The following CASQ2 variants were observed in gnomAD, a reference collection of about 807,000 sequenced individuals.
The protein encoded by CASQ2 is calsequestrin 2, also known as calsequestrin-2.
In CASQ2, 49 loss-of-function variants were observed where a neutral mutation model predicts 46.5. The observed-to-expected ratio is 1.05, with a 90% CI of 0.84 to 1.34. The LOEUF (loss-of-function observed/expected upper bound fraction) is 1.34. CASQ2 is among the 40% of genes most tolerant of loss of function. CASQ2 has a pLI of 0.00. For synonymous variants in CASQ2, 174 were observed against 168.5 expected, an observed-to-expected ratio of 1.03 and a Z score of -0.25; for missense variants, 486 against 481.3, an observed-to-expected ratio of 1.01 and a Z score of -0.09.
chr1:115,719,132 C>A (rs1382383671), intron 7 of CASQ2, among the ~76,000 whole-genome samples: 2 of 152,130 alleles, frequency 1.3e-5, no homozygotes, highest in African/African-American at 2.4e-5. Context: ...TGGACAAAGC[C>A]TCCACAAATT....
chr1:115,703,068 A>T (rs1654259667), intron 9 of CASQ2, 73 bp from the exon 10 acceptor site: 1 of 1,184,334 alleles, frequency 8.4e-7, no homozygotes, highest in African/African-American at 1.5e-5. Context: ...CCGCCGTCCC[A>T]TCACAGTAAC....
At chr1:115,736,435 A>G (rs1570829063) in intron 4 of CASQ2, among the ~76,000 whole-genome samples, 1 of 151,876 alleles carries the variant, frequency 6.6e-6, no homozygotes, top group South Asian at 2.1e-4. Flanking sequence ...TCAGGAGTTC[A>G]AGACCAGCCT....
intron 8 of CASQ2, among the ~76,000 whole-genome samples, chr1:115,711,932 G>C (rs10923249): frequency 6.6e-6 from 1 of 151,922 alleles, no homozygotes; most frequent in Non-Finnish European, 1.5e-5. Context: ...GATTACAGGC[G>C]TAAGGGTTTT....
At chr1:115,748,059 C>T (rs1648448313) in intron 1 of CASQ2, among the ~76,000 whole-genome samples, 1 of 151,972 alleles carries the variant, frequency 6.6e-6, no homozygotes, top group Non-Finnish European at 1.5e-5. Context: ...ATTCATTTTT[C>T]CTTTCAGTTC....
chr1:115,701,110 G>A lies in CASQ2; in HGVS notation c.*131C>T. 1.4e-6 allele frequency: 2 copies of A among 1,389,880 alleles called. No individual in the cohort carries two copies. The highest frequency in any genetic ancestry group is 2.0e-6 in the Non-Finnish European group (2 of 979,222). 86.1% of individuals were successfully genotyped at this position (1,389,880 alleles called of 1,614,324 possible). On this transcript the variant is annotated 3_prime_UTR_variant, in exon 11 of 11. Transcript: ENST00000261448. ...ATGCTGCTCCTGACGCAAAGGGAGT[G>A]GGAAAAGAGATGATGGAAAAGGGAA...
intron 7 of CASQ2, 33 bp downstream of exon 7, chr1:115,725,475 C>T (rs1370635274): frequency 6.2e-7 from 1 of 1,608,986 alleles, no homozygotes; most frequent in Non-Finnish European, 8.5e-7. Flanking sequence ...ATACTCATCT[C>T]TACAAGGCAA....
chr1:115,707,800 A>T (rs971146601), intron 8 of CASQ2, among the ~76,000 whole-genome samples: 1 of 152,256 alleles, frequency 6.6e-6, no homozygotes, highest in Non-Finnish European at 1.5e-5. Context: ...AGAGAGTCAA[A>T]TGTAAAAGGG....
intron 8 of CASQ2, among the ~76,000 whole-genome samples, chr1:115,711,158 G>C (rs983879617): frequency 2.0e-5 from 3 of 152,182 alleles, no homozygotes; most frequent in Non-Finnish European, 4.4e-5. Context: ...ACAAAGGCAC[G>C]GAAAGGGACC....
At chr1:115,723,274 C>CTATCATCT (rs57499430) in intron 7 of CASQ2, among the ~76,000 whole-genome samples, 3,601 of 150,960 alleles carry the variant, frequency 0.024, 92 homozygotes, top group East Asian at 0.14. Context: ...ATCTATCTAT[C>CTATCATCT]ATCTATCTAT....
intron 1 of CASQ2, among the ~76,000 whole-genome samples, chr1:115,751,932 C>A (rs1235356206): frequency 1.3e-5 from 2 of 152,208 alleles, no homozygotes; most frequent in African/African-American, 4.8e-5. Context: ...CAATTGTCTT[C>A]AGCTCCGCAA....
At chr1:115,768,024 G>T (rs1251437301) in intron 1 of CASQ2, among the ~76,000 whole-genome samples, 1 of 152,052 alleles carries the variant, frequency 6.6e-6, no homozygotes, top group African/African-American at 2.4e-5. Flanking sequence ...ACAATGGCTG[G>T]GACAAGGGCC....
chr1:115,744,856 C>T lies in CASQ2; in HGVS notation c.291G>A (p.Lys97=). Residue 97 remains lysine (K), a synonymous_variant, in exon 2 of 11, where the codon AAG becomes AAA. Transcript: ENST00000261448. The part of the protein sequence containing the change: ...KAIGFVMVDA[K]KEAKLAKKLG... The stretch of plus-strand genomic sequence containing the variant: ...GTTTCTTGGCAAGCTTGGCTTCTTT[C>T]TTGGCATCCACCATCACAAAGCCTA... 1 of 1,613,922 alleles carries T rather than the reference C, an allele frequency of 6.2e-7. No homozygotes were observed. The highest frequency in any genetic ancestry group is 8.5e-7 in the Non-Finnish European group (1 of 1,179,858).
chr1:115,728,561 G>C (rs559938765), intron 5 of CASQ2, among the ~76,000 whole-genome samples: 22 of 152,258 alleles, frequency 1.4e-4, no homozygotes, highest in African/African-American at 5.3e-4. Context: ...CACTTACTAT[G>C]TATTCTAGGA....
At chr1:115,703,550 T>C (rs988152077) in intron 9 of CASQ2, among the ~76,000 whole-genome samples, 1 of 151,870 alleles carries the variant, frequency 6.6e-6, no homozygotes, top group African/African-American at 2.4e-5. Context: ...TATGGCCTAG[T>C]GGGGACTAGG....
intron 8 of CASQ2, among the ~76,000 whole-genome samples, chr1:115,711,932 G>T (rs10923249): frequency 0.58 from 88,471 of 151,966 alleles, 26,196 homozygotes; most frequent in African/African-American, 0.67. Context: ...GATTACAGGC[G>T]TAAGGGTTTT....
intron 1 of CASQ2, among the ~76,000 whole-genome samples, chr1:115,745,175 T>C (rs777169708): frequency 6.6e-6 from 1 of 152,116 alleles, no homozygotes; most frequent in African/African-American, 2.4e-5. Context: ...CACTGTCACA[T>C]ACCAGTTTCT....
chr1:115,701,283 A>C lies in CASQ2; in HGVS notation c.1158T>G (p.Asp386Glu). 6.3e-7 allele frequency: 1 copy of C among 1,598,946 alleles called. No homozygotes were observed. The highest frequency in any genetic ancestry group is 8.6e-7 in the Non-Finnish European group (1 of 1,166,296). Reference sequence around the variant, plus strand: ...CATCACTGTCATCATTATCCTCTTCATCAGAATTATCATCATCATCATCAT... The same window carrying C: ...CATCACTGTCATCATTATCCTCTTCCTCAGAATTATCATCATCATCATCAT... ...DEDDDDDDNS[D>E]EEDNDDSDDD... Residue 386 changes from aspartate to glutamate, a missense_variant, in exon 11 of 11, where the codon GAT (aspartate) becomes GAG (glutamate). Coordinates refer to ENST00000261448, the MANE Select transcript of CASQ2 (RefSeq NM_001232.4).
chr1:115,710,820 A>G (rs1041498327), intron 8 of CASQ2, among the ~76,000 whole-genome samples: 4 of 152,234 alleles, frequency 2.6e-5, no homozygotes, highest in African/African-American at 7.2e-5. Context: ...CATGACCCAC[A>G]GCCAAGGGAT....
chr1:115,742,788 T>C (rs1394065713), intron 2 of CASQ2, among the ~76,000 whole-genome samples: 5 of 151,998 alleles, frequency 3.3e-5, no homozygotes, highest in African/African-American at 9.6e-5. Flanking sequence ...GTTTGTTTGT[T>C]TGTTTGTTTG....
Sources: gnomAD v4.1 joint callset for allele counts (sites outside exome capture counted in the v4.1 genomes callset) on GRCh38, gnomAD v4.1.1 for gene constraint, MANE v1.5 for transcripts, NCBI Gene and HGNC (gene_info 2026-07-23, HGNC 2026-07-21) for gene names.